The following FAM171B variants were observed in gnomAD, a reference collection of about 807,000 sequenced individuals.
FAM171B encodes the protein protein FAM171B.
A neutral mutation model predicts 75.6 loss-of-function variants in FAM171B; 19 were observed. The observed-to-expected ratio is 0.25, with a 90% CI of 0.18 to 0.37. FAM171B has a LOEUF of 0.37. FAM171B is among the 10% of genes least tolerant of loss of function. The pLI, the probability that FAM171B is intolerant of heterozygous loss-of-function variation, is 1.00. For missense variants in FAM171B, 848 were observed against 982.4 expected (o/e 0.86, Z 1.83); for synonymous variants, 367 against 361.7 (o/e 1.01, Z -0.17).
intron 1 of FAM171B, among the ~76,000 whole-genome samples, chr2:186,696,482 G>T: frequency 7.1e-6 from 1 of 140,750 alleles, no homozygotes; most frequent in Admixed American, 7.4e-5. Context: ...CATTAAATAG[G>T]ATCATTTCTG....
chr2:186,728,996 T>A (rs1050617733), intron 1 of FAM171B, among the ~76,000 whole-genome samples: 3 of 152,196 alleles, frequency 2.0e-5, no homozygotes, highest in Non-Finnish European at 4.4e-5. Context: ...AGGAAAACCA[T>A]AATATAGTAT....
chr2:186,742,006 T>A (rs374375952), intron 2 of FAM171B, among the ~76,000 whole-genome samples: 115 of 152,268 alleles, frequency 7.6e-4, no homozygotes, highest in African/African-American at 2.7e-3. Flanking sequence ...ATGAAAAGTA[T>A]CTTTTGAGAG....
chr2:186,701,423 C>T (rs746106363), intron 1 of FAM171B, among the ~76,000 whole-genome samples: 26 of 152,182 alleles, frequency 1.7e-4, no homozygotes, highest in Non-Finnish European at 2.8e-4. Context: ...CTATAGTCCT[C>T]ATGCTGTACC....
chr2:186,759,475 T>A (rs1188013580), intron 6 of FAM171B, among the ~76,000 whole-genome samples: 2 of 152,154 alleles, frequency 1.3e-5, no homozygotes, highest in Admixed American at 1.3e-4. Flanking sequence ...GTATGAGGGT[T>A]CCCTTTTCTC....
At chr2:186,726,326 T>C (rs1262717956) in intron 1 of FAM171B, among the ~76,000 whole-genome samples, 1 of 152,144 alleles carries the variant, frequency 6.6e-6, no homozygotes, top group Non-Finnish European at 1.5e-5. Flanking sequence ...TTGGATCCAA[T>C]CTGGGGCTTA....
intron 1 of FAM171B, among the ~76,000 whole-genome samples, chr2:186,736,324 A>G (rs780737311): frequency 1.4e-4 from 22 of 152,184 alleles, no homozygotes; most frequent in Non-Finnish European, 2.9e-4. Context: ...AGGGTTAGCC[A>G]TGGTTCACTT....
At chr2:186,738,700 G>T (rs1159959895) in intron 1 of FAM171B, among the ~76,000 whole-genome samples, 1 of 152,112 alleles carries the variant, frequency 6.6e-6, no homozygotes, top group Non-Finnish European at 1.5e-5. Flanking sequence ...TCTGTCTCCT[G>T]TTGCTATTGA....
chr2:186,751,404 GTAA>G, intron 5 of FAM171B, 100 bp downstream of exon 5: 1 of 1,096,994 alleles, frequency 9.1e-7, no homozygotes, highest in East Asian at 2.6e-5. Context: ...TAGTTTTTTA[GTAA>G]CATCACAAAT....
At chr2:186,740,087 T>C in intron 1 of FAM171B, 141 bp from the exon 2 acceptor site, 1 of 588,166 alleles carries the variant, frequency 1.7e-6, no homozygotes, top group Non-Finnish European at 2.9e-6. Context: ...GAATTCTTCA[T>C]TATTATATGT....
At position 186,761,976 on chromosome 2, in the gene FAM171B, C is replaced by G; in HGVS notation, c.1634C>G (p.Ser545Cys). 1 of 1,613,530 alleles carries G rather than the reference C, an allele frequency of 6.2e-7. No individual in the cohort carries two copies. The highest frequency in any genetic ancestry group is 8.5e-7 in the Non-Finnish European group (1 of 1,179,784). ...CAACCCATTGCCATCCTTCAAACAT[C>G]TGACCTTTTCTCCACACCGGAACAA... ...YSQPIAILQT[S>C]DLFSTPEQLH... is the part of the protein sequence containing the mutation. The change falls in exon 8 of 8, where the codon TCT becomes TGT. Residue 545 changes from serine (S) to cysteine (C), a missense_variant. Around this residue, in one of 3 missense-constraint regions of FAM171B, gnomAD observed 665 missense variants for 729.0 expected, o/e 0.91. Coordinates refer to ENST00000304698, the MANE Select transcript of FAM171B (RefSeq NM_177454.4).
rs184441629 is a variant in FAM171B, at chr2:186,722,793, A to C, written c.239-17435A>C. Among the ~76,000 whole-genome samples the C allele has an allele frequency of 2.6e-5, 4 of 152,274 alleles. No homozygotes were observed. In the East Asian group the frequency reaches 7.7e-4, roughly 29 times the overall value. On this transcript the variant is annotated intron_variant, in intron 1 of 7. Transcript: ENST00000304698. ...CCTATCTTAAAGCTCATTCTATTGA[A>C]AAGTGTTAACATGGACTCCAATCAT...
rs543638076 is a variant in FAM171B, at chr2:186,715,407, T to A, written c.238+20996T>A. ...TTGTAGAGACAGGGACTCATTATGT[T>A]GCCTAGGCTGGTCTTGAACTCCTGG... is the stretch of plus-strand genomic sequence containing the variant. On this transcript the variant is annotated intron_variant, in intron 1 of 7. Transcript: ENST00000304698. Among the ~76,000 whole-genome samples, 165 of 152,256 alleles carry A rather than the reference T, an allele frequency of 1.1e-3. 3 individuals carry two copies. The highest frequency in any genetic ancestry group is 3.1e-4 in the Non-Finnish European group (21 of 68,008).
intron 1 of FAM171B, among the ~76,000 whole-genome samples, chr2:186,720,563 G>T (rs1689937310): frequency 6.6e-6 from 1 of 152,080 alleles, no homozygotes; most frequent in Admixed American, 6.6e-5. Context: ...TCTGAATTTT[G>T]TAGGTCTGCT....
In FAM171B at chr2:186,740,401, A is replaced by T. The variant is rs769534912; in HGVS notation, c.412A>T (p.Ile138Phe). Residue 138 changes from isoleucine (I) to phenylalanine (F), a missense_variant, in exon 2 of 8, where the codon ATT (isoleucine) becomes TTT (phenylalanine). Physicochemically the swap from Ile to Phe is conservative, Grantham distance 21. This residue lies in a region of FAM171B where 665 missense variants were observed against 729.0 expected (regional missense o/e 0.91). Transcript: ENST00000304698. ...CAAATTAGGACTTAGTTTAACTATT[A>T]TTGCTTACAAAGATGGCTACGTGTT... is the stretch of plus-strand genomic sequence containing the variant. ...PYKLGLSLTI[I>F]AYKDGYVLTP... 2 of 1,614,058 alleles carry T rather than the reference A, an allele frequency of 1.2e-6. No homozygotes were observed. The highest frequency in any genetic ancestry group is 2.2e-5 in the South Asian group (2 of 91,074).
intron 1 of FAM171B, among the ~76,000 whole-genome samples, chr2:186,720,577 T>A (rs1461990532): frequency 6.6e-6 from 1 of 152,122 alleles, no homozygotes; most frequent in African/African-American, 2.4e-5. Flanking sequence ...GTCTGCTTTT[T>A]TCAGTGTGCT....
Position 186,765,277 on chromosome 2 carries a change from G to A in FAM171B, c.*2454G>A, listed in dbSNP as rs1419936164. 6.6e-6 allele frequency: 1 copy of A among 151,746 alleles called. No homozygotes were observed. The highest frequency in any genetic ancestry group is 2.4e-5 in the African/African-American group (1 of 41,342). The allele number at this position is 151,746 out of a possible 1,614,324, so 9.4% of individuals were successfully genotyped here. A position where few individuals can be genotyped will look rare whatever the true frequency, so the allele number is the denominator to read the frequency against. ...TCAAATATAAACCTAGATGATTTTG[G>A]TCACAAATTGTTAACATTTGTCGAT... On this transcript the variant is annotated 3_prime_UTR_variant, in exon 8 of 8. Coordinates refer to ENST00000304698, the MANE Select transcript of FAM171B (RefSeq NM_177454.4).
At chr2:186,715,469 C>G (rs1417799833) in intron 1 of FAM171B, among the ~76,000 whole-genome samples, 2 of 152,042 alleles carry the variant, frequency 1.3e-5, no homozygotes, top group Non-Finnish European at 2.9e-5. Context: ...TCACAGAATG[C>G]TAGGATTACA....
chr2:186,723,718 G>A (rs1379072180), intron 1 of FAM171B, among the ~76,000 whole-genome samples: 1 of 152,154 alleles, frequency 6.6e-6, no homozygotes, highest in Non-Finnish European at 1.5e-5. Flanking sequence ...TAAAGAATTT[G>A]TACTTTGCTT....
intron 1 of FAM171B, among the ~76,000 whole-genome samples, chr2:186,711,919 T>C (rs923882488): frequency 1.3e-5 from 2 of 152,152 alleles, no homozygotes; most frequent in African/African-American, 2.4e-5. Context: ...GTTTGGTGAG[T>C]CAATATTTGA....
Sources: gnomAD v4.1 joint callset for allele counts (sites outside exome capture counted in the v4.1 genomes callset) on GRCh38, gnomAD v4.1.1 for gene constraint, gnomAD v4.1.1 regional missense constraint, MANE v1.5 for transcripts, NCBI Gene and HGNC (gene_info 2026-07-23, HGNC 2026-07-21) for gene names.